The following DNAJC8 variants were observed in gnomAD, a reference collection of about 807,000 sequenced individuals.
The protein encoded by DNAJC8 is DnaJ heat shock protein family (Hsp40) member C8.
In DNAJC8, 24 loss-of-function variants were observed where a neutral mutation model predicts 43.2. The ratio of observed to expected loss-of-function variants is 0.56; its 90% CI spans 0.40 to 0.78. DNAJC8 has a LOEUF of 0.78. Ranked by LOEUF, DNAJC8 falls within the 30% of genes least tolerant of loss-of-function variation. DNAJC8 has a pLI of 0.00. For synonymous variants in DNAJC8, 83 were observed against 98.0 expected, an observed-to-expected ratio of 0.85 and a Z score of 0.90; for missense variants, 207 against 299.4, an observed-to-expected ratio of 0.69 and a Z score of 2.28.
intron 8 of DNAJC8, among the ~76,000 whole-genome samples, chr1:28,203,241 C>T (rs1420755928): frequency 6.6e-6 from 1 of 152,152 alleles, no homozygotes; most frequent in African/African-American, 2.4e-5. Flanking sequence ...CCGAATGTTG[C>T]CACAATCCTT....
intron 2 of DNAJC8, among the ~76,000 whole-genome samples, chr1:28,223,822 G>A (rs896819740): frequency 1.3e-5 from 2 of 152,122 alleles, no homozygotes; most frequent in Non-Finnish European, 2.9e-5. Flanking sequence ...TGGATGTTGG[G>A]TGTAAACATA....
chr1:28,212,552 G>A (rs115624543), intron 3 of DNAJC8, among the ~76,000 whole-genome samples: 56 of 151,542 alleles, frequency 3.7e-4, no homozygotes, highest in African/African-American at 1.4e-3. Context: ...AAAATACTAG[G>A]ATTACAGGCA....
intron 3 of DNAJC8, among the ~76,000 whole-genome samples, chr1:28,211,963 CTGGCCTACA>C (rs1293768113): frequency 6.6e-6 from 1 of 151,268 alleles, no homozygotes; most frequent in Non-Finnish European, 1.5e-5. Context: ...CGAGACCAGC[CTGGCCTACA>C]TGGTGAAACC....
chr1:28,228,998 G>T lies in DNAJC8; in HGVS notation c.104C>A (p.Ser35Ter). 1 of 1,613,926 alleles carries T rather than the reference G, an allele frequency of 6.2e-7. No individual in the cohort carries two copies. Among genetic ancestry groups the T allele is most frequent in the Non-Finnish European group, 8.5e-7 (1 of 1,179,934 alleles). ...SEVKQIEKRD[S>*]VLTSKNQIER... The stretch of plus-strand genomic sequence containing the variant: ...AATCTGATTTTTCGAAGTTAGAACC[G>T]AGTCTCTCTTCTCTATTTGTTTCAC... Residue 35 changes from serine (S) to a stop codon, truncating the protein, a stop_gained, in exon 2 of 9, where the codon TCG becomes TAG. Coordinates refer to ENST00000263697, the MANE Select transcript of DNAJC8 (RefSeq NM_014280.3). LOFTEE classifies it high-confidence loss of function.
chr1:28,232,496 C>T (rs1401709393), intron 1 of DNAJC8, among the ~76,000 whole-genome samples: 1 of 152,148 alleles, frequency 6.6e-6, no homozygotes, highest in Non-Finnish European at 1.5e-5. Flanking sequence ...TAATGCCTAA[C>T]TGGCATGATA....
At chr1:28,203,233 G>T (rs1248553208) in intron 8 of DNAJC8, among the ~76,000 whole-genome samples, 1 of 152,134 alleles carries the variant, frequency 6.6e-6, no homozygotes, top group Non-Finnish European at 1.5e-5. Context: ...AGAAAAGACC[G>T]AATGTTGCCA....
At chr1:28,230,212 GT>G (rs1646964597) in intron 1 of DNAJC8, 1 of 152,224 alleles carries the variant, frequency 6.6e-6, no homozygotes, top group African/African-American at 2.4e-5. Context: ...TGGAATGCTA[GT>G]TGGAATGAAT....
At chr1:28,205,424 T>C in intron 6 of DNAJC8, 75 bp from the exon 7 acceptor site, 1 of 1,129,220 alleles carries the variant, frequency 8.9e-7, no homozygotes, top group Non-Finnish European at 1.3e-6. Context: ...TACTTTCACC[T>C]GGAGTCCAAG....
chr1:28,221,473 T>C (rs1459102169), intron 2 of DNAJC8, among the ~76,000 whole-genome samples: 2 of 152,146 alleles, frequency 1.3e-5, no homozygotes, highest in Non-Finnish European at 2.9e-5. Context: ...CTTCCTATAG[T>C]GAGAACAAAG....
In DNAJC8 at chr1:28,226,237, G is replaced by T. The variant is rs1420746604; in HGVS notation, c.180+2685C>A. Among the ~76,000 whole-genome samples the T allele has an allele frequency of 4.6e-5, 7 of 151,128 alleles. 1 individual carries two copies. The highest frequency in any genetic ancestry group is 1.5e-5 in the Non-Finnish European group (1 of 67,744). On this transcript the variant is annotated intron_variant, in intron 2 of 8. Transcript: ENST00000263697. ...AACTTTTTAAAGATCTGGGTGTGGTGGCTCACGTCTGTAATCACGGCACTT... is the reference window on the plus strand; with the variant it reads ...AACTTTTTAAAGATCTGGGTGTGGTTGCTCACGTCTGTAATCACGGCACTT...
intron 5 of DNAJC8, among the ~76,000 whole-genome samples, chr1:28,209,460 C>A (rs1450426660): frequency 2.0e-5 from 3 of 152,136 alleles, no homozygotes; most frequent in Admixed American, 2.0e-4. Context: ...CAAGAGCAAA[C>A]AAAAATAACA....
In DNAJC8 at chr1:28,201,349, C is replaced by A; in HGVS notation, c.661G>T (p.Asp221Tyr). 6.2e-7 allele frequency: 1 copy of A among 1,613,946 alleles called. No homozygotes were observed. The highest frequency in any genetic ancestry group is 8.5e-7 in the Non-Finnish European group (1 of 1,180,016). Residue 221 changes from aspartate to tyrosine, a missense_variant, in exon 9 of 9, where the codon GAC (aspartate) becomes TAC (tyrosine). This residue lies in a region of DNAJC8 where 159 missense variants were observed against 267.5 expected (regional missense o/e 0.59). Coordinates refer to ENST00000263697, the MANE Select transcript of DNAJC8 (RefSeq NM_014280.3). ...NFEESRDGRV[D>Y]SWRNFQANTK... ...TTGGCTTGGAAGTTTCGCCAGCTGT[C>A]CACACGACCATCTCGACTTTCCTAA...
chr1:28,232,410 T>C (rs1241712863), intron 1 of DNAJC8, among the ~76,000 whole-genome samples: 1 of 152,226 alleles, frequency 6.6e-6, no homozygotes, highest in African/African-American at 2.4e-5. Context: ...CCAAGCAAGC[T>C]GTAACCTACT....
intron 2 of DNAJC8, among the ~76,000 whole-genome samples, chr1:28,225,607 G>A (rs979197911): frequency 1.3e-5 from 2 of 150,492 alleles, no homozygotes; most frequent in African/African-American, 4.9e-5. Flanking sequence ...TTGGGGTGAC[G>A]AAAAATTTCT....
At chr1:28,226,851 A>G (rs1310135838) in intron 2 of DNAJC8, among the ~76,000 whole-genome samples, 1 of 151,244 alleles carries the variant, frequency 6.6e-6, no homozygotes. Context: ...TCAGATATCA[A>G]TATTTGTAAG....
chr1:28,228,122 G>A (rs1646949611), intron 2 of DNAJC8, among the ~76,000 whole-genome samples: 2 of 151,936 alleles, frequency 1.3e-5, no homozygotes, highest in African/African-American at 2.4e-5. Flanking sequence ...AGGCTGAGGC[G>A]GGTGGATCAC....
Position 28,205,270 on chromosome 1 carries a change from T to C in DNAJC8, c.551A>G (p.Glu184Gly). 1 of 1,611,922 alleles carries C rather than the reference T, an allele frequency of 6.2e-7. No homozygotes were observed. The highest frequency in any genetic ancestry group is 8.5e-7 in the Non-Finnish European group (1 of 1,178,960). ...TACTGATATGTACCTTTCATGCATCTCTTTGGCTTCTCTCTCTTTCCTTTT... is the reference window on the plus strand; with the variant it reads ...TACTGATATGTACCTTTCATGCATCCCTTTGGCTTCTCTCTCTTTCCTTTT... The part of the protein sequence containing the change: ...EIKRKEREAK[E>G]MHERKRQREE... The change falls in exon 7 of 9, where the codon GAG (glutamate) becomes GGG (glycine). Residue 184 changes from glutamate (E) to glycine (G), a missense_variant. This residue lies in a region of DNAJC8 where 159 missense variants were observed against 267.5 expected (regional missense o/e 0.59). Transcript: ENST00000263697.
At chr1:28,212,995 C>T (rs1646825769) in intron 3 of DNAJC8, among the ~76,000 whole-genome samples, 1 of 152,196 alleles carries the variant, frequency 6.6e-6, no homozygotes, top group South Asian at 2.1e-4. Flanking sequence ...AGTGAGGATA[C>T]ATTATGTGCC....
chr1:28,232,779 AC>A, intron 1 of DNAJC8, 141 bp downstream of exon 1: 1 of 782,896 alleles, frequency 1.3e-6, no homozygotes, highest in African/African-American at 1.7e-5. Flanking sequence ...ACGCTCACAC[AC>A]CCCCAGACCC....
Sources: allele counts gnomAD v4.1 joint callset (sites outside exome capture counted in the v4.1 genomes callset), GRCh38; gene constraint gnomAD v4.1.1; regional missense constraint gnomAD v4.1.1; transcripts MANE v1.5; gene names NCBI Gene and HGNC (gene_info 2026-07-23, HGNC 2026-07-21).